USH2A: variants seen among roughly 807,000 people sequenced by gnomAD.
USH2A encodes usherin.
USH2A carries 443 observed loss-of-function variants against 538.9 expected under a neutral mutation model. That is an observed-to-expected ratio of 0.82 (90% CI 0.76 to 0.89). USH2A has a LOEUF of 0.89. Ranked by LOEUF, USH2A falls within the 40% of genes least tolerant of loss-of-function variation. The pLI is 0.00. For missense variants in USH2A, 6,633 were observed against 6,324.8 expected (o/e 1.05, Z -1.65); for synonymous variants, 2,413 against 2,273.5 (o/e 1.06, Z -1.75).
chr1:216,073,842 G>T (rs376997118), intron 27 of USH2A, among the ~76,000 whole-genome samples: 1 of 152,214 alleles, frequency 6.6e-6, no homozygotes, highest in African/African-American at 2.4e-5. Context: ...GCCATGAATG[G>T]CATAATGATC....
Position 216,289,372 on chromosome 1 carries a change from G to T in USH2A, c.1879C>A (p.Gln627Lys). ...CELCKDYFFR[Q>K]VGADPSAIDV... is the part of the protein sequence containing the mutation. Reference sequence around the variant, plus strand: ...ATGGCCGAAGGATCTGCACCAACTTGTCGGAAAAAGTAATCCTTGCACAGC... The same window carrying T: ...ATGGCCGAAGGATCTGCACCAACTTTTCGGAAAAAGTAATCCTTGCACAGC... Residue 627 changes from glutamine (Q) to lysine (K), a missense_variant, in exon 11 of 72, where the codon CAA becomes AAA. Transcript: ENST00000307340. 7 of 1,613,970 alleles carry T rather than the reference G, an allele frequency of 4.3e-6. No homozygotes were observed. The highest frequency in any genetic ancestry group is 5.9e-6 in the Non-Finnish European group (7 of 1,179,852).
At chr1:215,781,993 A>G in intron 54 of USH2A, 49 bp downstream of exon 54, 1 of 1,611,590 alleles carries the variant, frequency 6.2e-7, no homozygotes. Context: ...TGTTCAGATA[A>G]TCTTCACACT....
chr1:216,293,793 C>G (rs1571670758), intron 9 of USH2A, among the ~76,000 whole-genome samples: 2 of 152,152 alleles, frequency 1.3e-5, no homozygotes, highest in Admixed American at 1.3e-4. Flanking sequence ...TGCGCAATCA[C>G]CAACAGATAC....
chr1:216,076,454 A>C (rs150080638), intron 27 of USH2A, among the ~76,000 whole-genome samples: 2 of 152,108 alleles, frequency 1.3e-5, no homozygotes, highest in Non-Finnish European at 2.9e-5. Flanking sequence ...AGGACCATCA[A>C]TAGTAATGGG....
chr1:216,125,772 C>G (rs886456235), intron 21 of USH2A, among the ~76,000 whole-genome samples: 87 of 152,232 alleles, frequency 5.7e-4, no homozygotes, highest in African/African-American at 2.0e-3. Context: ...AGACTCAACC[C>G]CTGATGTAAA....
chr1:215,874,055 C>T lies in USH2A; in HGVS notation c.8681+3703G>A, dbSNP rs1664690474. Among the ~76,000 whole-genome samples the T allele has an allele frequency of 1.3e-5, 2 of 152,146 alleles. 1 individual carries two copies. The highest frequency in any genetic ancestry group is 4.1e-4 in the South Asian group (2 of 4,832). ...TTATCTGATCACTTAGGAACCAAGGCAGTGTTGTTAGGTGCTGAAAATTGT... is the reference window on the plus strand; with the variant it reads ...TTATCTGATCACTTAGGAACCAAGGTAGTGTTGTTAGGTGCTGAAAATTGT... On this transcript the variant is annotated intron_variant, in intron 43 of 71. Coordinates refer to ENST00000307340, the MANE Select transcript of USH2A (RefSeq NM_206933.4).
chr1:216,284,885 TGC>T (rs2036851682), intron 11 of USH2A, among the ~76,000 whole-genome samples: 2 of 152,166 alleles, frequency 1.3e-5, no homozygotes, highest in African/African-American at 4.8e-5. Flanking sequence ...AGGTCATTCT[TGC>T]TATGCAAAGA....
chr1:215,995,646 G>A (rs115981692), intron 34 of USH2A, among the ~76,000 whole-genome samples: 4,309 of 152,162 alleles, frequency 0.028, 108 homozygotes, highest in Non-Finnish European at 0.041. Context: ...CAAAATAGTG[G>A]GGTTGATTAA....
intron 4 of USH2A, among the ~76,000 whole-genome samples, chr1:216,333,973 G>A (rs776791742): frequency 5.9e-5 from 9 of 151,958 alleles, no homozygotes; most frequent in Non-Finnish European, 1.3e-4. Context: ...AGTCCTTCTG[G>A]CTGATATGAT....
rs2102821808 is a variant in USH2A, at chr1:215,844,383, CATAG to C, written c.9165_9168del (p.Ile3055MetfsTer2). On this transcript the variant is annotated frameshift_variant, in exon 46 of 72. Coordinates refer to ENST00000307340, the MANE Select transcript of USH2A (RefSeq NM_206933.4). LOFTEE classifies it high-confidence loss of function. The stretch of plus-strand genomic sequence containing the variant: ...CCAGTCTTGTAGAGCTTATTATTTA[CATAG>C]ATAGAATACTCAGTGACAACACCAT... 2 of 1,613,732 alleles carry C rather than the reference CATAG, an allele frequency of 1.2e-6. No homozygotes were observed. Among genetic ancestry groups the C allele is most frequent in the Non-Finnish European group, 8.5e-7 (1 of 1,179,868 alleles).
At chr1:216,114,240 T>C (rs2032946632) in intron 21 of USH2A, among the ~76,000 whole-genome samples, 1 of 152,010 alleles carries the variant, frequency 6.6e-6, no homozygotes, top group Non-Finnish European at 1.5e-5. Flanking sequence ...AACCATCTTA[T>C]TGTACTTCTG....
intron 30 of USH2A, among the ~76,000 whole-genome samples, chr1:216,058,688 C>A (rs1030468144): frequency 5.3e-5 from 8 of 152,080 alleles, no homozygotes; most frequent in Admixed American, 2.6e-4. Context: ...TCTGTGCATT[C>A]TTCTATAAAA....
intron 11 of USH2A, among the ~76,000 whole-genome samples, chr1:216,256,628 C>T (rs2102559784): frequency 6.6e-6 from 1 of 152,128 alleles, no homozygotes; most frequent in African/African-American, 2.4e-5. Flanking sequence ...TCTTATTCCT[C>T]CTCCTCATCT....
intron 30 of USH2A, among the ~76,000 whole-genome samples, chr1:216,051,369 G>A (rs1024311498): frequency 9.2e-5 from 14 of 152,102 alleles, no homozygotes; most frequent in Admixed American, 8.5e-4. Context: ...CCTCCACCAC[G>A]ATACCCAAAT....
chr1:216,045,913 A>G (rs1045868093), intron 32 of USH2A, among the ~76,000 whole-genome samples: 1 of 152,096 alleles, frequency 6.6e-6, no homozygotes, highest in Non-Finnish European at 1.5e-5. Flanking sequence ...TATGACCTTC[A>G]AGATCATACA....
chr1:216,225,533 T>A (rs952699284), intron 14 of USH2A, among the ~76,000 whole-genome samples: 1 of 152,180 alleles, frequency 6.6e-6, no homozygotes, highest in Admixed American at 6.5e-5. Flanking sequence ...GGGTCCCATA[T>A]GGCCATGGGA....
At chr1:216,174,672 A>G in intron 21 of USH2A, 1 of 986,640 alleles carries the variant, frequency 1.0e-6, no homozygotes, top group Non-Finnish European at 1.2e-6. Flanking sequence ...TGGCTTAGAG[A>G]AGTTATCTTT....
At chr1:216,389,045 C>CT (rs1223366991) in intron 3 of USH2A, among the ~76,000 whole-genome samples, 1 of 152,030 alleles carries the variant, frequency 6.6e-6, no homozygotes, top group Admixed American at 6.6e-5. Flanking sequence ...ATTAAAGGCA[C>CT]TAAAGGGGCC....
rs76591775 is a variant in USH2A at position 216,200,867 on chromosome 1, G to C, written c.3317-746C>G. ...CTGCTGCCTGCTCCGCCATGGGGCT[G>C]TTTGCATTGGAGATGCGAGGAGGGT... On this transcript the variant is annotated intron_variant, in intron 16 of 71. Coordinates refer to ENST00000307340, the MANE Select transcript of USH2A (RefSeq NM_206933.4). 8.7e-3 allele frequency among the ~76,000 whole-genome samples: 1,329 copies of C among 152,240 alleles called. 20 individuals are homozygous for C. The highest frequency in any genetic ancestry group is 0.031 in the African/African-American group (1,284 of 41,538).
Sources: allele counts gnomAD v4.1 joint callset (sites outside exome capture counted in the v4.1 genomes callset), GRCh38; gene constraint gnomAD v4.1.1; transcripts MANE v1.5; gene names NCBI Gene and HGNC (gene_info 2026-07-23, HGNC 2026-07-21).